The following PHLPP2 variants were observed in gnomAD, a reference collection of about 807,000 sequenced individuals.
PHLPP2 encodes PH domain and leucine rich repeat protein phosphatase 2.
A neutral mutation model predicts 124.9 loss-of-function variants in PHLPP2; 66 were observed. That is an observed-to-expected ratio of 0.53 (90% CI 0.43 to 0.65). The LOEUF (loss-of-function observed/expected upper bound fraction) is 0.65, where lower values mean the gene tolerates loss of function less well. PHLPP2 is among the 30% of genes least tolerant of loss of function. The pLI is 0.00. For missense variants in PHLPP2, 1,685 were observed against 1,600.4 expected, an observed-to-expected ratio of 1.05 and a Z score of -0.90; for synonymous variants, 681 against 624.7, an observed-to-expected ratio of 1.09 and a Z score of -1.34.
intron 1 of PHLPP2, among the ~76,000 whole-genome samples, chr16:71,721,887 T>C (rs567422515): frequency 1.3e-5 from 2 of 152,368 alleles, no homozygotes; most frequent in African/African-American, 2.4e-5. Flanking sequence ...CCAGGATAGA[T>C]GGAACTGGAT....
intron 2 of PHLPP2, among the ~76,000 whole-genome samples, chr16:71,710,712 C>T (rs1477600734): frequency 2.0e-5 from 3 of 152,218 alleles, no homozygotes; most frequent in South Asian, 4.1e-4. Flanking sequence ...CTTGAACAAG[C>T]CCCACAGGTG....
chr16:71,679,244 G>A, intron 7 of PHLPP2, 145 bp downstream of exon 7: 1 of 723,602 alleles, frequency 1.4e-6, no homozygotes, highest in Non-Finnish European at 2.3e-6. Flanking sequence ...GTATATCTCT[G>A]AGGTCAAAAA....
Position 71,684,610 on chromosome 16 carries a change from G to A in PHLPP2, c.610-9C>T. 3.1e-6 allele frequency: 5 copies of A among 1,598,476 alleles called. No individual in the cohort carries two copies. The highest frequency in any genetic ancestry group is 4.3e-6 in the Non-Finnish European group (5 of 1,171,322). ...CGCTTCACTTCTTCTATCTGAAGAA[G>A]AGGAGGGGAGAAAACCAGAACCACT... On this transcript the variant is annotated splice_polypyrimidine_tract_variant and intron_variant, in intron 4 of 18. Transcript: ENST00000568954.
chr16:71,714,473 T>A (rs778793050), intron 2 of PHLPP2, 39 bp downstream of exon 2: 9 of 1,535,306 alleles, frequency 5.9e-6, no homozygotes, highest in African/African-American at 1.4e-5. Context: ...TTATTATTTA[T>A]ATTACGGTAG....
At chr16:71,706,239 T>C (rs1458514303) in intron 2 of PHLPP2, among the ~76,000 whole-genome samples, 3 of 151,994 alleles carry the variant, frequency 2.0e-5, no homozygotes, top group Non-Finnish European at 4.4e-5. Context: ...TTTGAATATA[T>C]ATGCATATGG....
chr16:71,692,195 G>A (rs1383611680), intron 3 of PHLPP2, among the ~76,000 whole-genome samples: 2 of 151,790 alleles, frequency 1.3e-5, no homozygotes, highest in African/African-American at 2.4e-5. Context: ...TCAGCCTCCC[G>A]AGTAGCTGGG....
intron 3 of PHLPP2, among the ~76,000 whole-genome samples, chr16:71,693,487 T>C (rs2045136020): frequency 6.6e-6 from 1 of 152,160 alleles, no homozygotes; most frequent in Non-Finnish European, 1.5e-5. Context: ...CTTCAAAAAG[T>C]CTCTCACATG....
chr16:71,668,449 A>C (rs917788181), intron 11 of PHLPP2, among the ~76,000 whole-genome samples: 1 of 145,390 alleles, frequency 6.9e-6, no homozygotes, highest in Non-Finnish European at 1.5e-5. Context: ...AAAAAGAGTG[A>C]AGGCTCTGGA....
intron 1 of PHLPP2, among the ~76,000 whole-genome samples, chr16:71,720,444 T>C (rs2045391552): frequency 2.0e-5 from 3 of 152,130 alleles, no homozygotes; most frequent in Admixed American, 2.0e-4. Context: ...ACTCTAAAAG[T>C]GTTCCATGAG....
intron 3 of PHLPP2, among the ~76,000 whole-genome samples, chr16:71,702,221 G>A (rs1285514583): frequency 6.6e-6 from 1 of 152,086 alleles, no homozygotes; most frequent in Non-Finnish European, 1.5e-5. Context: ...TCAACGTCAA[G>A]TCATATATGA....
At chr16:71,650,707 G>T (rs1489995467) in intron 18 of PHLPP2, among the ~76,000 whole-genome samples, 1 of 152,104 alleles carries the variant, frequency 6.6e-6, no homozygotes, top group Non-Finnish European at 1.5e-5. Flanking sequence ...CTGATTTCAA[G>T]AAACGAAAAA....
rs1163030901 is a variant in PHLPP2, at chr16:71,658,085, C to A, written c.2279+148G>T. On this transcript the variant is annotated intron_variant, in intron 15 of 18. Transcript: ENST00000568954. ...TACTGGATAGAACATCTATTCATAA[C>A]TTAATCAAAGAAGAGAACCTAGGGG... The A allele has an allele frequency of 2.2e-5, 14 of 628,658 alleles. No individual in the cohort carries two copies. The East Asian group carries it at 3.9e-4, about 17-fold the overall frequency. The allele number at this position is 628,658 out of a possible 1,614,324, so 38.9% of individuals were successfully genotyped here. A position where few individuals can be genotyped will look rare whatever the true frequency, so the allele number is the denominator to read the frequency against.
chr16:71,647,397 A>G lies in PHLPP2; in HGVS notation c.*1493T>C, dbSNP rs1029744650. The G allele has an allele frequency of 3.3e-5, 5 of 152,630 alleles. No individual in the cohort carries two copies. Among genetic ancestry groups the G allele is most frequent in the Admixed American group, 2.0e-4 (3 of 15,286 alleles). The allele number at this position is 152,630 out of a possible 1,614,324, so 9.5% of individuals were successfully genotyped here. A position where few individuals can be genotyped will look rare whatever the true frequency, so the allele number is the denominator to read the frequency against. On this transcript the variant is annotated 3_prime_UTR_variant, in exon 19 of 19. Coordinates refer to ENST00000568954, the MANE Select transcript of PHLPP2 (RefSeq NM_015020.3). ...TGAGCCCAGTATTCTGAAACCACAT[A>G]AAGTGAATATGCAGTTTTCAGAAGA...
intron 1 of PHLPP2, 72 bp from the exon 2 acceptor site, chr16:71,714,873 C>A: frequency 6.6e-7 from 1 of 1,524,686 alleles, no homozygotes; most frequent in Admixed American, 2.0e-5. Context: ...GTCCTCACCC[C>A]ACCTCTCTCT....
At chr16:71,659,778 A>T (rs2044772844) in intron 13 of PHLPP2, among the ~76,000 whole-genome samples, 1 of 152,204 alleles carries the variant, frequency 6.6e-6, no homozygotes, top group Non-Finnish European at 1.5e-5. Flanking sequence ...ATTTATTTTG[A>T]TTTATTGGTT....
chr16:71,713,540 T>C (rs1366584938), intron 2 of PHLPP2, among the ~76,000 whole-genome samples: 3 of 152,224 alleles, frequency 2.0e-5, no homozygotes, highest in East Asian at 3.9e-4. Flanking sequence ...CAGCACTTCT[T>C]GTAGTAGCAA....
intron 12 of PHLPP2, among the ~76,000 whole-genome samples, chr16:71,665,175 G>A (rs368855767): frequency 3.3e-5 from 5 of 151,992 alleles, no homozygotes; most frequent in African/African-American, 4.8e-5. Context: ...TGAGTGTGGC[G>A]GCACATGGCT....
Position 71,676,761 on chromosome 16 carries a change from T to C in PHLPP2, c.1269-112A>G. On this transcript the variant is annotated intron_variant, in intron 8 of 18. Transcript: ENST00000568954. ...TGATCCCTTTCTCTGTTTACTTTTT[T>C]TTTTTGAGATGGAGTTTCACTGTGT... is the stretch of plus-strand genomic sequence containing the variant. 3 of 772,006 alleles carry C rather than the reference T, an allele frequency of 3.9e-6. No individual in the cohort carries two copies. The South Asian group carries it at 5.4e-5, about 14-fold the overall frequency. 47.8% of individuals were successfully genotyped at this position (772,006 alleles called of 1,614,324 possible).
At chr16:71,693,151 G>C (rs1484402475) in intron 3 of PHLPP2, among the ~76,000 whole-genome samples, 1 of 152,180 alleles carries the variant, frequency 6.6e-6, no homozygotes, top group Non-Finnish European at 1.5e-5. Flanking sequence ...GCCAGGCATG[G>C]TGGCGTATGC....
Sources: gnomAD v4.1 joint callset for allele counts (sites outside exome capture counted in the v4.1 genomes callset) on GRCh38, gnomAD v4.1.1 for gene constraint, MANE v1.5 for transcripts, NCBI Gene and HGNC (gene_info 2026-07-23, HGNC 2026-07-21) for gene names.